Variants in ADCY2 observed in about 807,000 individuals in gnomAD.
The protein encoded by ADCY2 is adenylate cyclase type 2.
ADCY2 carries 31 observed loss-of-function variants against 125.2 expected under a neutral mutation model. That is an observed-to-expected ratio of 0.25 (90% CI 0.19 to 0.33). The LOEUF (loss-of-function observed/expected upper bound fraction) is 0.33. ADCY2 is among the 10% of genes least tolerant of loss of function. The probability of loss-of-function intolerance (pLI) is 1.00; values close to 1 mark genes in which losing one functional copy is unlikely to be tolerated. For synonymous variants in ADCY2, 512 were observed against 548.4 expected, an observed-to-expected ratio of 0.93 and a Z score of 0.93; for missense variants, 904 against 1,418.2, an observed-to-expected ratio of 0.64 and a Z score of 5.82.
chr5:7,536,141 C>T (rs891551742), intron 3 of ADCY2, among the ~76,000 whole-genome samples: 1 of 152,180 alleles, frequency 6.6e-6, no homozygotes, highest in Admixed American at 6.5e-5. Flanking sequence ...GACTGTGTTT[C>T]CTGATTTAGT....
chr5:7,470,333 C>T (rs535770361), intron 2 of ADCY2, among the ~76,000 whole-genome samples: 57 of 151,508 alleles, frequency 3.8e-4, no homozygotes, highest in Non-Finnish European at 6.9e-4. Flanking sequence ...TCTCAGGGCT[C>T]ACTTGTTATT....
intron 4 of ADCY2, among the ~76,000 whole-genome samples, chr5:7,687,172 T>A (rs188104093): frequency 1.1e-3 from 165 of 152,368 alleles, no homozygotes; most frequent in Admixed American, 3.2e-3. Flanking sequence ...ACTTTCTATA[T>A]TTTTTAAACC....
intron 15 of ADCY2, among the ~76,000 whole-genome samples, chr5:7,750,898 G>A (rs1469221467): frequency 6.6e-6 from 1 of 151,882 alleles, no homozygotes; most frequent in Non-Finnish European, 1.5e-5. Flanking sequence ...GGTCTGCAAC[G>A]TCATTGTCCA....
At chr5:7,620,726 T>C (rs1737925560) in intron 3 of ADCY2, among the ~76,000 whole-genome samples, 13 of 152,228 alleles carry the variant, frequency 8.5e-5, no homozygotes, top group Admixed American at 7.9e-4. Context: ...AGATGTGAGC[T>C]TACTGAATAT....
intron 3 of ADCY2, among the ~76,000 whole-genome samples, chr5:7,588,334 A>G (rs73739856): frequency 0.014 from 2,060 of 152,344 alleles, 42 homozygotes; most frequent in African/African-American, 0.047. Context: ...TGGAAATATT[A>G]CATATTACAA....
chr5:7,626,124 GA>G, intron 3 of ADCY2, 42 bp from the exon 4 acceptor site: 1 of 1,582,780 alleles, frequency 6.3e-7, no homozygotes, highest in African/African-American at 1.4e-5. Flanking sequence ...ATTCACAAGT[GA>G]GAAACAGTTA....
Position 7,738,551 on chromosome 5 carries a change from G to A in ADCY2, c.1872-5117G>A, listed in dbSNP as rs78842796. 2.2e-3 allele frequency among the ~76,000 whole-genome samples: 340 copies of A among 151,892 alleles called. 4 individuals carry two copies. The highest frequency in any genetic ancestry group is 7.7e-3 in the African/African-American group (319 of 41,488). On this transcript the variant is annotated intron_variant, in intron 14 of 24. Coordinates refer to ENST00000338316, the MANE Select transcript of ADCY2 (RefSeq NM_020546.3). ...GCAAATAAACAATAGATAGCCAGAG[G>A]GTAAGATTAAATTCAAACATTATAA... is the stretch of plus-strand genomic sequence containing the variant.
chr5:7,593,779 G>A (rs2388875), intron 3 of ADCY2, among the ~76,000 whole-genome samples: 26,748 of 151,954 alleles, frequency 0.18, 2,729 homozygotes, highest in East Asian at 0.44. Flanking sequence ...TCTAATTGGG[G>A]GAAGATGAGA....
chr5:7,500,944 A>G (rs1743538368), intron 2 of ADCY2, among the ~76,000 whole-genome samples: 1 of 152,106 alleles, frequency 6.6e-6, no homozygotes, highest in Non-Finnish European at 1.5e-5. Flanking sequence ...GATCAACACA[A>G]GCTTCATCAA....
intron 24 of ADCY2, among the ~76,000 whole-genome samples, chr5:7,822,838 TA>T (rs1326276124): frequency 1.3e-5 from 2 of 152,248 alleles, no homozygotes; most frequent in African/African-American, 4.8e-5. Context: ...GAATTTCTGC[TA>T]AATGGAAAAT....
intron 3 of ADCY2, among the ~76,000 whole-genome samples, chr5:7,527,744 A>G (rs751891497): frequency 3.3e-5 from 5 of 152,248 alleles, no homozygotes; most frequent in African/African-American, 1.2e-4. Flanking sequence ...ACAGCAAATC[A>G]TCTATGCCAA....
chr5:7,672,233 G>A (rs1019018065), intron 4 of ADCY2, among the ~76,000 whole-genome samples: 1 of 152,142 alleles, frequency 6.6e-6, no homozygotes, highest in Non-Finnish European at 1.5e-5. Flanking sequence ...TTATTGTAAA[G>A]TACAACATGT....
At chr5:7,529,521 C>A (rs894011701) in intron 3 of ADCY2, among the ~76,000 whole-genome samples, 2 of 152,158 alleles carry the variant, frequency 1.3e-5, no homozygotes, top group Non-Finnish European at 2.9e-5. Context: ...ATTTTTGAAA[C>A]CCCTCTCAGC....
intron 4 of ADCY2, among the ~76,000 whole-genome samples, chr5:7,637,431 CAAAAAAAAAA>C (rs71591740): frequency 9.4e-5 from 7 of 74,638 alleles, no homozygotes; most frequent in African/African-American, 2.6e-4. Flanking sequence ...GACTCCGTCT[CAAAAAAAAAA>C]AAAAAAAAAA....
intron 3 of ADCY2, among the ~76,000 whole-genome samples, chr5:7,539,141 G>A (rs1734914240): frequency 6.6e-6 from 1 of 152,076 alleles, no homozygotes; most frequent in African/African-American, 2.4e-5. Context: ...GGGATGACAG[G>A]TGTGAGTCAC....
chr5:7,512,238 A>AAAAAAAAAAAAAAAAAAAAAAAC (rs1243551633), intron 2 of ADCY2, among the ~76,000 whole-genome samples: 3 of 151,142 alleles, frequency 2.0e-5, no homozygotes, highest in Non-Finnish European at 2.9e-5. Context: ...AAAAAAAAAA[A>AAAAAAAAAAAAAAAAAAAAAAAC]AAGAAAACCA....
intron 22 of ADCY2, among the ~76,000 whole-genome samples, chr5:7,810,596 G>C (rs1283317717): frequency 6.6e-6 from 1 of 151,848 alleles, no homozygotes; most frequent in Non-Finnish European, 1.5e-5. Flanking sequence ...CTGGTTGTGG[G>C]CTACCTGATT....
At chr5:7,470,820 T>C (rs2126456107) in intron 2 of ADCY2, among the ~76,000 whole-genome samples, 1 of 151,716 alleles carries the variant, frequency 6.6e-6, no homozygotes, top group East Asian at 1.9e-4. Flanking sequence ...AGGTTTCTCC[T>C]CATTACTGAT....
Position 7,707,693 on chromosome 5 carries a change from A to T in ADCY2, c.1269-13A>T, listed in dbSNP as rs1170990350. The T allele has an allele frequency of 6.2e-7, 1 of 1,612,406 alleles. No individual in the cohort carries two copies. The highest frequency in any genetic ancestry group is 1.7e-5 in the Admixed American group (1 of 59,760). On this transcript the variant is annotated splice_polypyrimidine_tract_variant and intron_variant, in intron 8 of 24. Transcript: ENST00000338316. The stretch of plus-strand genomic sequence containing the variant: ...TTTTATGTCTTGACTGTGATTTTAA[A>T]ATGCAATTTCAGACGTGTTCACATT...
Sources: allele counts gnomAD v4.1 joint callset (sites outside exome capture counted in the v4.1 genomes callset), GRCh38; gene constraint gnomAD v4.1.1; transcripts MANE v1.5; gene names NCBI Gene and HGNC (gene_info 2026-07-23, HGNC 2026-07-21).